Variants in SIN3A observed in about 807,000 individuals in gnomAD.
SIN3A encodes paired amphipathic helix protein Sin3a.
SIN3A carries 14 observed loss-of-function variants against 146.1 expected under a neutral mutation model. The observed-to-expected ratio is 0.10, with a 90% CI of 0.06 to 0.15. SIN3A has a LOEUF of 0.15. Ranked by LOEUF, SIN3A falls within the 10% of genes least tolerant of loss-of-function variation. The pLI, the probability that SIN3A is intolerant of heterozygous loss-of-function variation, is 1.00. For synonymous variants in SIN3A, 572 were observed against 572.0 expected (o/e 1.00, Z 0.00); for missense variants, 1,028 against 1,576.0 (o/e 0.65, Z 5.89).
chr15:75,394,597 T>C, intron 14 of SIN3A, 83 bp downstream of exon 14: 1 of 1,181,912 alleles, frequency 8.5e-7, no homozygotes, highest in Non-Finnish European at 1.2e-6. Context: ...TCACCTGCAT[T>C]TAACAAAGGT....
chr15:75,417,530 C>T (rs987904344), intron 3 of SIN3A, among the ~76,000 whole-genome samples: 41 of 151,950 alleles, frequency 2.7e-4, no homozygotes, highest in African/African-American at 9.9e-4. Flanking sequence ...GCGCATGTCA[C>T]CACATCCAAC....
chr15:75,372,326 A>T, intron 20 of SIN3A, 117 bp from the exon 21 acceptor site: 1 of 565,738 alleles, frequency 1.8e-6, no homozygotes, highest in Non-Finnish European at 3.0e-6. Context: ...CTCAAGTCTT[A>T]GATACCACTG....
Position 75,381,657 on chromosome 15 carries a change from G to A in SIN3A, c.3244C>T (p.Leu1082=). The change falls in exon 18 of 21, where the codon CTG becomes TTG. Residue 1082 remains leucine (L), a synonymous_variant. Transcript: ENST00000394947. ...TCCGAATTCTCCTCTTCTGTGTCCA[G>A]AAGCTCAATAGTCAGCTGGACCTGG... is the stretch of plus-strand genomic sequence containing the variant. ...QGQVQLTIEL[L]DTEEENSDDP... 1 of 1,613,992 alleles carries A rather than the reference G, an allele frequency of 6.2e-7. No homozygotes were observed. The highest frequency in any genetic ancestry group is 8.5e-7 in the Non-Finnish European group (1 of 1,179,952).
chr15:75,454,284 G>A (rs990682685), upstream of SIN3A, among the ~76,000 whole-genome samples: 1 of 152,238 alleles, frequency 6.6e-6, no homozygotes, highest in Non-Finnish European at 1.5e-5. Flanking sequence ...GCCAGTGGAA[G>A]ACAAGAGAAG....
chr15:75,411,790 T>C (rs773007180), intron 5 of SIN3A, 47 bp from the exon 6 acceptor site: 5 of 1,519,502 alleles, frequency 3.3e-6, no homozygotes, highest in South Asian at 1.3e-5. Flanking sequence ...ATAGATGAGT[T>C]GATACAAGGA....
chr15:75,380,830 ATTTC>A lies in SIN3A; in HGVS notation c.3289-111_3289-108del. 6 of 761,610 alleles carry A rather than the reference ATTTC, an allele frequency of 7.9e-6. No individual in the cohort carries two copies. In the Admixed American group the frequency reaches 8.2e-5, roughly 10 times the overall value. 47.2% of individuals were successfully genotyped at this position (761,610 alleles called of 1,614,324 possible). A position where few individuals can be genotyped will look rare whatever the true frequency, so the allele number is the denominator to read the frequency against. On this transcript the variant is annotated intron_variant, in intron 18 of 20. Transcript: ENST00000394947. ...TGATTACAATGCCCCGAATTCATAA[ATTTC>A]AAGATCAAAAAAGTCCCTTTCTATA...
At chr15:75,415,090 G>T (rs1468500329) in intron 3 of SIN3A, among the ~76,000 whole-genome samples, 1 of 152,152 alleles carries the variant, frequency 6.6e-6, no homozygotes, top group Non-Finnish European at 1.5e-5. Context: ...CAATTTGACT[G>T]CAGTGTTGAG....
intron 19 of SIN3A, among the ~76,000 whole-genome samples, chr15:75,378,263 C>T (rs979024774): frequency 6.6e-6 from 1 of 152,114 alleles, no homozygotes; most frequent in Admixed American, 6.6e-5. Flanking sequence ...TCCAACTAAC[C>T]TTTAAGAAAC....
chr15:75,372,140 G>A lies in SIN3A; in HGVS notation c.3661C>T (p.His1221Tyr). Residue 1221 changes from histidine (H) to tyrosine (Y), a missense_variant, in exon 21 of 21, where the codon CAT (histidine) becomes TAT (tyrosine). This residue lies in a region of SIN3A where 488 missense variants were observed against 690.2 expected (regional missense o/e 0.71). Coordinates refer to ENST00000394947, the MANE Select transcript of SIN3A (RefSeq NM_001145358.2). ...TCTGCTGCCATTTCACGGGGCACATGCTCCTTGGTCCATTTATCTACCCAG... is the reference window on the plus strand; with the variant it reads ...TCTGCTGCCATTTCACGGGGCACATACTCCTTGGTCCATTTATCTACCCAG... ...QAWVDKWTKE[H>Y]VPREMAAETS... 1 of 1,614,084 alleles carries A rather than the reference G, an allele frequency of 6.2e-7. No individual in the cohort carries two copies.
At chr15:75,426,308 G>A (rs2073924967) in intron 2 of SIN3A, among the ~76,000 whole-genome samples, 1 of 152,178 alleles carries the variant, frequency 6.6e-6, no homozygotes, top group Non-Finnish European at 1.5e-5. Flanking sequence ...GGGGACTCCT[G>A]AGGAAGAGTG....
At chr15:75,405,039 C>T (rs928717102) in intron 9 of SIN3A, among the ~76,000 whole-genome samples, 4 of 151,742 alleles carry the variant, frequency 2.6e-5, no homozygotes, top group Non-Finnish European at 4.4e-5. Flanking sequence ...CCCAGCTACT[C>T]AGGAGGGTAA....
At chr15:75,397,154 G>C (rs981646845) in intron 12 of SIN3A, among the ~76,000 whole-genome samples, 2 of 152,016 alleles carry the variant, frequency 1.3e-5, no homozygotes, top group African/African-American at 4.8e-5. Flanking sequence ...TTTTTCCCTA[G>C]CTTAAAATAA....
At chr15:75,415,690 A>G (rs1404131526) in intron 3 of SIN3A, 1 of 161,828 alleles carries the variant, frequency 6.2e-6, no homozygotes, top group African/African-American at 2.4e-5. Context: ...ATCTCTACTA[A>G]AAATACAAAA....
At chr15:75,407,350 A>C (rs968257500) in intron 8 of SIN3A, among the ~76,000 whole-genome samples, 2 of 152,214 alleles carry the variant, frequency 1.3e-5, no homozygotes, top group African/African-American at 4.8e-5. Flanking sequence ...GTTTCTTTCT[A>C]CAACAGAGGT....
At chr15:75,372,682 G>A (rs1004327474) in intron 20 of SIN3A, among the ~76,000 whole-genome samples, 2 of 151,846 alleles carry the variant, frequency 1.3e-5, no homozygotes, top group African/African-American at 2.4e-5. Flanking sequence ...ATAACTGGGC[G>A]TGGTGGCACA....
At chr15:75,431,225 C>G (rs2074008789) in intron 1 of SIN3A, among the ~76,000 whole-genome samples, 1 of 152,182 alleles carries the variant, frequency 6.6e-6, no homozygotes, top group South Asian at 2.1e-4. Flanking sequence ...ATTTAAGATG[C>G]TACGTAACTT....
intron 2 of SIN3A, among the ~76,000 whole-genome samples, chr15:75,424,361 G>A (rs901903079): frequency 6.6e-6 from 1 of 152,118 alleles, no homozygotes; most frequent in Non-Finnish European, 1.5e-5. Flanking sequence ...TTGAACCAGG[G>A]AGGTGGAAGT....
At chr15:75,384,235 A>C (rs537904528) in intron 17 of SIN3A, 29 bp downstream of exon 17, 2 of 1,560,132 alleles carry the variant, frequency 1.3e-6, no homozygotes, top group African/African-American at 1.4e-5. Context: ...GTCACCAGCA[A>C]GGTCTTCGAC....
intron 1 of SIN3A, among the ~76,000 whole-genome samples, chr15:75,437,998 G>A (rs1032484689): frequency 6.6e-6 from 1 of 151,970 alleles, no homozygotes; most frequent in African/African-American, 2.4e-5. Context: ...CAGCCTGAGC[G>A]ACAGAGGAAG....
Sources: allele counts gnomAD v4.1 joint callset (sites outside exome capture counted in the v4.1 genomes callset), GRCh38; gene constraint gnomAD v4.1.1; regional missense constraint gnomAD v4.1.1; transcripts MANE v1.5; gene names NCBI Gene and HGNC (gene_info 2026-07-23, HGNC 2026-07-21).